Variants in PCNX4 observed in about 807,000 individuals in gnomAD.
PCNX4 encodes the protein pecanex-like protein 4.
Under a neutral mutation model 107.2 loss-of-function variants are expected in PCNX4, and 103 were observed. The observed-to-expected ratio is 0.96, with a 90% CI of 0.82 to 1.13. The LOEUF (loss-of-function observed/expected upper bound fraction) is 1.13. Ranked by LOEUF, PCNX4 falls within the 50% of genes most tolerant of loss-of-function variation. The pLI is 0.00. For synonymous variants in PCNX4, 541 were observed against 481.7 expected, an observed-to-expected ratio of 1.12 and a Z score of -1.61; for missense variants, 1,528 against 1,379.4, an observed-to-expected ratio of 1.11 and a Z score of -1.71.
intron 10 of PCNX4, among the ~76,000 whole-genome samples, chr14:60,132,245 A>G (rs1429881820): frequency 1.3e-5 from 2 of 152,126 alleles, no homozygotes; most frequent in Non-Finnish European, 2.9e-5. Context: ...CTTATTCTCT[A>G]TACTCTCATG....
In PCNX4 at chr14:60,121,226, G is replaced by T. The variant is rs141610334; in HGVS notation, c.1973G>T (p.Gly658Val). 384 of 1,606,920 alleles carry T rather than the reference G, an allele frequency of 2.4e-4. 2 individuals carry two copies. The Middle Eastern group carries it at 0.011, about 47-fold the overall frequency. Residue 658 changes from glycine to valine, a missense_variant, in exon 8 of 11, where the codon GGC becomes GTC. By Grantham distance (109) the Gly-to-Val change is moderately radical. Transcript: ENST00000406854. ...GLLLPGSHYLGRFQDRLMWIM... is the reference protein window; with the variant it reads ...GLLLPGSHYLVRFQDRLMWIM... ...CTCCTACCTGGATCTCATTACTTGG[G>T]CCGTTTTCAGGATCGTTTAATGTGG...
chr14:60,099,441 G>C (rs1420222282), intron 1 of PCNX4, among the ~76,000 whole-genome samples: 2 of 152,062 alleles, frequency 1.3e-5, no homozygotes, highest in Non-Finnish European at 2.9e-5. Context: ...ATTTTGTTTA[G>C]GTTATTTATA....
chr14:60,106,506 C>A (rs1413846487), intron 1 of PCNX4, among the ~76,000 whole-genome samples: 2 of 152,190 alleles, frequency 1.3e-5, no homozygotes, highest in African/African-American at 4.8e-5. Flanking sequence ...GCCAGCTGTA[C>A]TTGCAGGGCT....
At position 60,147,066 on chromosome 14, in the gene PCNX4, C is replaced by T. The variant is rs900493544; in HGVS notation, c.*12845C>T. On this transcript the variant is annotated 3_prime_UTR_variant, in exon 11 of 11. Transcript: ENST00000406854. ...TGGGCAACGTGGCAAAAACCCGTCT[C>T]TACAAAAACTACAAAACCTAGCCAG... 6.6e-6 allele frequency: 1 copy of T among 152,126 alleles called. No homozygotes were observed. Among genetic ancestry groups the T allele is most frequent in the South Asian group, 2.1e-4 (1 of 4,826 alleles). The allele number at this position is 152,126 out of a possible 1,614,324, so 9.4% of individuals were successfully genotyped here. A position where few individuals can be genotyped will look rare whatever the true frequency, so the allele number is the denominator to read the frequency against.
At position 60,092,200 on chromosome 14, in the gene PCNX4, C is replaced by T. The variant is rs2140521793; in HGVS notation, c.-273C>T. 6.6e-6 allele frequency: 1 copy of T among 152,420 alleles called. No homozygotes were observed. Among genetic ancestry groups the T allele is most frequent in the African/African-American group, 2.4e-5 (1 of 41,602 alleles). The allele number at this position is 152,420 out of a possible 1,614,324, so 9.4% of individuals were successfully genotyped here. ...TCCCCGAACGCGCACGCGCTCCGTT[C>T]AGCTCCGGGTGGCGGCCGCCGGAGT... is the stretch of plus-strand genomic sequence containing the variant. On this transcript the variant is annotated 5_prime_UTR_variant, in exon 1 of 11. Coordinates refer to ENST00000406854, the MANE Select transcript of PCNX4 (RefSeq NM_001330177.2).
chr14:60,118,742 A>G (rs1263940609), intron 7 of PCNX4, 50 bp downstream of exon 7: 1 of 1,480,366 alleles, frequency 6.8e-7, no homozygotes, highest in South Asian at 1.5e-5. Context: ...TATTTAAAGT[A>G]CAAAAAAATA....
chr14:60,147,680 A>G lies in PCNX4; in HGVS notation c.*13459A>G, dbSNP rs1383140892. ...ATGTAATTCCCATAACAATCCTGTG[A>G]CTGGGCACTATTATCATCATTAATC... On this transcript the variant is annotated 3_prime_UTR_variant, in exon 11 of 11. Transcript: ENST00000406854. 3 of 152,218 alleles carry G rather than the reference A, an allele frequency of 2.0e-5. No homozygotes were observed. 9.4% of individuals were successfully genotyped at this position (152,218 alleles called of 1,614,324 possible).
chr14:60,118,784 A>G (rs768186651), intron 7 of PCNX4, 92 bp downstream of exon 7: 18 of 1,343,124 alleles, frequency 1.3e-5, no homozygotes, highest in East Asian at 2.5e-5. Flanking sequence ...TTATCCAACC[A>G]TAAGATAGCA....
chr14:60,116,642 A>G (rs868189271), intron 6 of PCNX4, among the ~76,000 whole-genome samples: 9 of 152,186 alleles, frequency 5.9e-5, no homozygotes, highest in African/African-American at 2.2e-4. Flanking sequence ...ACAATAAGCA[A>G]CTACTGGTTT....
At chr14:60,111,986 C>G (rs1895749064) in intron 2 of PCNX4, among the ~76,000 whole-genome samples, 1 of 152,156 alleles carries the variant, frequency 6.6e-6, no homozygotes, top group Admixed American at 6.5e-5. Flanking sequence ...AATGCATGGA[C>G]TCTTCAAATT....
At position 60,133,703 on chromosome 14, in the gene PCNX4, A is replaced by G. The variant is rs941746173; in HGVS notation, c.3268-267A>G. ...AGGCAACAGATCAGAAAAGGCAGAC[A>G]AAGAGAAGTGACTAAGATTTTGCCT... On this transcript the variant is annotated intron_variant, in intron 10 of 10. Coordinates refer to ENST00000406854, the MANE Select transcript of PCNX4 (RefSeq NM_001330177.2). 2.5e-5 allele frequency: 15 copies of G among 597,334 alleles called. No individual in the cohort carries two copies. The Admixed American group carries it at 2.8e-4, about 11-fold the overall frequency. 37.0% of individuals were successfully genotyped at this position (597,334 alleles called of 1,614,324 possible). A position where few individuals can be genotyped will look rare whatever the true frequency, so the allele number is the denominator to read the frequency against.
chr14:60,124,422 G>C lies in PCNX4; in HGVS notation c.2251G>C (p.Glu751Gln), dbSNP rs1371496556. Residue 751 changes from glutamate to glutamine, a missense_variant, in exon 9 of 11, where the codon GAA (glutamate) becomes CAA (glutamine). Transcript: ENST00000406854. ...TCTATCAGGCATAATTGATTCTCAT[G>C]AAAACTTAAAAGAATTTAAAGGTGA... ...NVLSGIIDSH[E>Q]NLKEFKGDLI... 1 of 1,613,516 alleles carries C rather than the reference G, an allele frequency of 6.2e-7. No homozygotes were observed. The highest frequency in any genetic ancestry group is 8.5e-7 in the Non-Finnish European group (1 of 1,179,670).
rs7152139 is a variant in PCNX4 at position 60,104,264 on chromosome 14, A to T, written c.-53-3322A>T. On this transcript the variant is annotated intron_variant, in intron 1 of 10. Coordinates refer to ENST00000406854, the MANE Select transcript of PCNX4 (RefSeq NM_001330177.2). ...AACCCAGGAGGCGGAGGTTGTGGTG[A>T]GCTGAGATCACGCCACTGCACTCCA... 2.1e-3 allele frequency among the ~76,000 whole-genome samples: 298 copies of T among 144,840 alleles called. 2 individuals are homozygous for T. Among genetic ancestry groups the T allele is most frequent in the African/African-American group, 7.7e-3 (291 of 37,554 alleles).
intron 1 of PCNX4, among the ~76,000 whole-genome samples, chr14:60,095,739 G>C (rs1895411189): frequency 6.6e-6 from 1 of 151,112 alleles, no homozygotes; most frequent in African/African-American, 2.4e-5. Flanking sequence ...AGAAGTTCAG[G>C]TCCCCAGTCT....
At chr14:60,111,967 G>A (rs760476410) in intron 2 of PCNX4, among the ~76,000 whole-genome samples, 1 of 152,204 alleles carries the variant, frequency 6.6e-6, no homozygotes, top group Non-Finnish European at 1.5e-5. Context: ...GCTGCCAAAT[G>A]ATGTATGAAA....
chr14:60,094,925 T>G (rs1895394348), intron 1 of PCNX4, among the ~76,000 whole-genome samples: 1 of 152,138 alleles, frequency 6.6e-6, no homozygotes, highest in African/African-American at 2.4e-5. Flanking sequence ...GTAAAATAAA[T>G]TAATTTATTT....
chr14:60,145,997 G>A lies in PCNX4; in HGVS notation c.*11776G>A, dbSNP rs995368794. 4 of 149,712 alleles carry A rather than the reference G, an allele frequency of 2.7e-5. No individual in the cohort carries two copies. Among genetic ancestry groups the A allele is most frequent in the Non-Finnish European group, 3.0e-5 (2 of 67,518 alleles). The allele number at this position is 149,712 out of a possible 1,614,324, so 9.3% of individuals were successfully genotyped here. On this transcript the variant is annotated 3_prime_UTR_variant, in exon 11 of 11. Coordinates refer to ENST00000406854, the MANE Select transcript of PCNX4 (RefSeq NM_001330177.2). This position sits in a 1 kb window ranked among gnomAD's most constrained non-coding sequence, Gnocchi z 4.0. The stretch of plus-strand genomic sequence containing the variant: ...ATGCTAGCATTTTCTTAACTTAGAC[G>A]CTTATCAATAAGAAAATTTATATAT...
rs1314922156 is a variant in PCNX4 at position 60,137,661 on chromosome 14, G to A, written c.*3440G>A. ...CCAGATAATGAGCTATACAACACAG[G>A]GTCTAAAATTACTATGTTTAGTGTG... On this transcript the variant is annotated 3_prime_UTR_variant, in exon 11 of 11. Coordinates refer to ENST00000406854, the MANE Select transcript of PCNX4 (RefSeq NM_001330177.2). 2 of 151,970 alleles carry A rather than the reference G, an allele frequency of 1.3e-5. No individual in the cohort carries two copies. Among genetic ancestry groups the A allele is most frequent in the African/African-American group, 4.8e-5 (2 of 41,334 alleles). The allele number at this position is 151,970 out of a possible 1,614,324, so 9.4% of individuals were successfully genotyped here.
intron 1 of PCNX4, among the ~76,000 whole-genome samples, chr14:60,097,730 C>A: frequency 6.6e-6 from 1 of 152,202 alleles, no homozygotes; most frequent in East Asian, 1.9e-4. Context: ...TGGGTCACCC[C>A]ATTCCTGGGC....
Sources: gnomAD v4.1 joint callset for allele counts (sites outside exome capture counted in the v4.1 genomes callset) on GRCh38, gnomAD v4.1.1 for gene constraint, Gnocchi (gnomAD v3.1) non-coding constraint, MANE v1.5 for transcripts, NCBI Gene and HGNC (gene_info 2026-07-23, HGNC 2026-07-21) for gene names.